Variants in NCAM2 observed in about 807,000 individuals in gnomAD.
NCAM2 encodes neural cell adhesion molecule 2.
In NCAM2, 30 loss-of-function variants were observed where a neutral mutation model predicts 98.1. The ratio of observed to expected loss-of-function variants is 0.31; its 90% CI spans 0.23 to 0.41. The LOEUF (loss-of-function observed/expected upper bound fraction) is 0.41. NCAM2 is among the 10% of genes least tolerant of loss of function. The probability of loss-of-function intolerance (pLI) is 1.00; values close to 1 mark genes in which losing one functional copy is unlikely to be tolerated. For synonymous variants in NCAM2, 368 were observed against 342.4 expected, an observed-to-expected ratio of 1.07 and a Z score of -0.83; for missense variants, 867 against 1,005.8, an observed-to-expected ratio of 0.86 and a Z score of 1.87.
intron 1 of NCAM2, among the ~76,000 whole-genome samples, chr21:21,270,101 G>A (rs908183501): frequency 1.1e-4 from 17 of 152,120 alleles, no homozygotes; most frequent in African/African-American, 3.1e-4. Flanking sequence ...TTAGTACTGC[G>A]TAATATTAGT....
At chr21:21,039,218 G>T (rs1390869279) in intron 1 of NCAM2, among the ~76,000 whole-genome samples, 1 of 151,960 alleles carries the variant, frequency 6.6e-6, no homozygotes, top group Non-Finnish European at 1.5e-5. Flanking sequence ...CCAGCGTCTA[G>T]TACCTATCAT....
chr21:21,131,365 C>G (rs983182783), intron 1 of NCAM2, among the ~76,000 whole-genome samples: 1 of 152,040 alleles, frequency 6.6e-6, no homozygotes, highest in Admixed American at 6.6e-5. Flanking sequence ...CCTCCACCTC[C>G]TGGGTTCAAG....
At chr21:21,318,230 A>G (rs1232082326) in intron 5 of NCAM2, among the ~76,000 whole-genome samples, 1 of 152,202 alleles carries the variant, frequency 6.6e-6, no homozygotes, top group Non-Finnish European at 1.5e-5. Flanking sequence ...TGCCATGTTT[A>G]GTGGTGAAAT....
intron 1 of NCAM2, among the ~76,000 whole-genome samples, chr21:21,113,260 C>G (rs1481392576): frequency 2.0e-5 from 3 of 152,138 alleles, no homozygotes; most frequent in South Asian, 4.1e-4. Flanking sequence ...AACTGCTGCT[C>G]CTTAGCAGGA....
At chr21:21,039,898 T>C (rs766893972) in intron 1 of NCAM2, among the ~76,000 whole-genome samples, 3 of 152,158 alleles carry the variant, frequency 2.0e-5, no homozygotes, top group Non-Finnish European at 4.4e-5. Context: ...ACTAGAGTTA[T>C]TATATTTCAA....
intron 1 of NCAM2, among the ~76,000 whole-genome samples, chr21:21,264,789 T>TATATTCCACTATATATATACATATATAC (rs2072073404): frequency 7.2e-6 from 1 of 139,126 alleles, no homozygotes; most frequent in African/African-American, 2.6e-5. Flanking sequence ...TACATATATA[T>TATATTCCACTATATATATACATATATAC]ATATTCCACT....
intron 15 of NCAM2, among the ~76,000 whole-genome samples, chr21:21,479,976 G>A (rs1346508018): frequency 6.6e-6 from 1 of 151,982 alleles, no homozygotes; most frequent in Non-Finnish European, 1.5e-5. Context: ...CCTTGAATGA[G>A]TACAAAGGAT....
chr21:21,127,365 A>G (rs79160182), intron 1 of NCAM2, among the ~76,000 whole-genome samples: 1 of 151,944 alleles, frequency 6.6e-6, no homozygotes, highest in Non-Finnish European at 1.5e-5. Context: ...TATGCAGTAC[A>G]TTGATATTTT....
chr21:21,153,105 G>T (rs2067496117), intron 1 of NCAM2, among the ~76,000 whole-genome samples: 1 of 150,904 alleles, frequency 6.6e-6, no homozygotes, highest in Admixed American at 6.6e-5. Context: ...CTGTTTTTTA[G>T]TTGTTTAGAT....
intron 6 of NCAM2, among the ~76,000 whole-genome samples, chr21:21,327,230 C>G (rs1029869450): frequency 2.7e-5 from 4 of 149,694 alleles, no homozygotes; most frequent in African/African-American, 1.0e-4. Flanking sequence ...ATAGCTTGAA[C>G]CCGGGAGACG....
At chr21:21,197,945 A>G (rs988829670) in intron 1 of NCAM2, among the ~76,000 whole-genome samples, 3 of 152,192 alleles carry the variant, frequency 2.0e-5, no homozygotes, top group African/African-American at 7.2e-5. Context: ...CTTTACTGTT[A>G]CTATGACTGG....
intron 1 of NCAM2, among the ~76,000 whole-genome samples, chr21:21,026,743 G>A (rs6518031): frequency 1 from 152,320 of 152,320 alleles, 76,160 homozygotes; most frequent in Non-Finnish European, 1. Context: ...CACTTCTGTG[G>A]CATTTGTTTT....
At chr21:21,169,747 G>A (rs2068061156) in intron 1 of NCAM2, among the ~76,000 whole-genome samples, 1 of 152,058 alleles carries the variant, frequency 6.6e-6, no homozygotes, top group Admixed American at 6.6e-5. Flanking sequence ...CCAAAAGTTT[G>A]AAACCAGCCT....
At chr21:21,100,027 A>G (rs539178192) in intron 1 of NCAM2, among the ~76,000 whole-genome samples, 3 of 151,760 alleles carry the variant, frequency 2.0e-5, no homozygotes, top group Admixed American at 6.6e-5. Context: ...TAACCTTTCT[A>G]CCTTTCCAAC....
intron 1 of NCAM2, among the ~76,000 whole-genome samples, chr21:21,043,850 CAAAA>C (rs72473034): frequency 2.5e-5 from 3 of 119,984 alleles, no homozygotes; most frequent in Non-Finnish European, 1.7e-5. Flanking sequence ...GAGACTCCGT[CAAAA>C]AAAAAAAAAA....
chr21:21,332,296 G>A (rs2074736952), intron 6 of NCAM2, among the ~76,000 whole-genome samples: 1 of 152,154 alleles, frequency 6.6e-6, no homozygotes, highest in Admixed American at 6.6e-5. Context: ...TTTTATAGAT[G>A]CAGTTAAGTG....
chr21:21,100,327 T>C (rs1190836602), intron 1 of NCAM2, among the ~76,000 whole-genome samples: 1 of 151,826 alleles, frequency 6.6e-6, no homozygotes, highest in African/African-American at 2.4e-5. Flanking sequence ...GACGAGAGCC[T>C]GTAAAGGAGC....
chr21:21,016,472 T>G (rs1439870683), intron 1 of NCAM2, among the ~76,000 whole-genome samples: 1 of 151,964 alleles, frequency 6.6e-6, no homozygotes, highest in African/African-American at 2.4e-5. Context: ...TTTTAAAGAG[T>G]TTAGATGACT....
At chr21:21,176,138 C>T (rs903870614) in intron 1 of NCAM2, among the ~76,000 whole-genome samples, 1 of 152,124 alleles carries the variant, frequency 6.6e-6, no homozygotes, top group Non-Finnish European at 1.5e-5. Flanking sequence ...ACAAACTGGG[C>T]TCTTTCAGTT....
Sources: gnomAD v4.1 joint callset for allele counts (sites outside exome capture counted in the v4.1 genomes callset) on GRCh38, gnomAD v4.1.1 for gene constraint, MANE v1.5 for transcripts, NCBI Gene and HGNC (gene_info 2026-07-23, HGNC 2026-07-21) for gene names.